The following KIAA1549L variants were observed in gnomAD, a reference collection of about 807,000 sequenced individuals.
KIAA1549L encodes UPF0606 protein KIAA1549L.
KIAA1549L carries 88 observed loss-of-function variants against 160.7 expected under a neutral mutation model. That is an observed-to-expected ratio of 0.55 (90% CI 0.46 to 0.65). KIAA1549L has a LOEUF of 0.65. Among genes scored for constraint, KIAA1549L ranks in the 30% least tolerant of loss-of-function variants. The pLI is 0.00. For missense variants in KIAA1549L, 2,258 were observed against 2,437.5 expected (o/e 0.93, Z 1.55); for synonymous variants, 950 against 976.7 (o/e 0.97, Z 0.51).
chr11:33,396,078 GTGT>G (rs770380795), intron 1 of KIAA1549L, among the ~76,000 whole-genome samples: 3 of 151,972 alleles, frequency 2.0e-5, no homozygotes, highest in Non-Finnish European at 4.4e-5. Flanking sequence ...GTTATCCCTG[GTGT>G]TGTGTCTTTG....
intron 1 of KIAA1549L, among the ~76,000 whole-genome samples, chr11:33,464,532 C>CCA (rs1852008931): frequency 1.3e-5 from 2 of 151,258 alleles, no homozygotes; most frequent in South Asian, 2.1e-4. Context: ...ATGCCCCCCC[C>CCA]CACACACGCA....
intron 1 of KIAA1549L, among the ~76,000 whole-genome samples, chr11:33,474,397 CT>C (rs1852242393): frequency 6.6e-6 from 1 of 152,236 alleles, no homozygotes; most frequent in South Asian, 2.1e-4. Flanking sequence ...TAACCTTTCC[CT>C]TGCTCGTTGC....
At chr11:33,518,217 C>T (rs186588583) in intron 1 of KIAA1549L, among the ~76,000 whole-genome samples, 6 of 141,962 alleles carry the variant, frequency 4.2e-5, no homozygotes, top group Admixed American at 1.4e-4. Context: ...TCTATGTCTA[C>T]AGTGGTAAAA....
chr11:33,449,102 G>A (rs968046100), intron 1 of KIAA1549L, among the ~76,000 whole-genome samples: 2 of 152,194 alleles, frequency 1.3e-5, no homozygotes, highest in Non-Finnish European at 1.5e-5. Flanking sequence ...TTGTCTTTGG[G>A]TATTGGGACT....
intron 1 of KIAA1549L, among the ~76,000 whole-genome samples, chr11:33,465,046 CTTTT>C (rs1008261470): frequency 3.8e-5 from 3 of 78,960 alleles, no homozygotes; most frequent in Non-Finnish European, 7.5e-5. Context: ...GGACCTTCTT[CTTTT>C]TTTTTTTTTT....
chr11:33,424,020 C>T (rs913008097), intron 1 of KIAA1549L, among the ~76,000 whole-genome samples: 1 of 146,866 alleles, frequency 6.8e-6, no homozygotes, highest in African/African-American at 2.7e-5. Context: ...CAGAATGAGG[C>T]TCTGTCTTGG....
At chr11:33,391,421 C>G (rs1322581909) in intron 1 of KIAA1549L, among the ~76,000 whole-genome samples, 2 of 152,162 alleles carry the variant, frequency 1.3e-5, no homozygotes, top group Admixed American at 6.5e-5. Context: ...TAGTTGGATA[C>G]ACATTATTAG....
chr11:33,606,537 T>G, intron 13 of KIAA1549L, 104 bp from the exon 14 acceptor site: 1 of 1,151,140 alleles, frequency 8.7e-7, no homozygotes, highest in Non-Finnish European at 1.2e-6. Context: ...CTGAGGTTGT[T>G]TTGAGTAAAG....
chr11:33,393,250 T>C (rs75668907), intron 1 of KIAA1549L, among the ~76,000 whole-genome samples: 1,582 of 152,198 alleles, frequency 0.01, 31 homozygotes, highest in African/African-American at 0.037. Flanking sequence ...TCTGCATGAT[T>C]ACCATCTACA....
At chr11:33,664,358 G>A (rs560354284) in intron 20 of KIAA1549L, among the ~76,000 whole-genome samples, 13 of 152,274 alleles carry the variant, frequency 8.5e-5, no homozygotes, top group Non-Finnish European at 1.8e-4. Flanking sequence ...TCCCAGCCAG[G>A]CGTCAGCCGC....
chr11:33,518,940 A>T (rs566811015), intron 1 of KIAA1549L, among the ~76,000 whole-genome samples: 1 of 152,214 alleles, frequency 6.6e-6, no homozygotes, highest in Non-Finnish European at 1.5e-5. Context: ...CATTGAGCAT[A>T]TCCTATGAGT....
chr11:33,397,647 GGTT>G (rs1206060751), intron 1 of KIAA1549L, among the ~76,000 whole-genome samples: 1 of 151,798 alleles, frequency 6.6e-6, no homozygotes, highest in East Asian at 2.0e-4. Context: ...GGGAGGCGGA[GGTT>G]GCGGTGAGCC....
chr11:33,661,903 AAAAG>A (rs1484612667), intron 20 of KIAA1549L, among the ~76,000 whole-genome samples: 46 of 84,970 alleles, frequency 5.4e-4, no homozygotes, highest in African/African-American at 1.4e-3. Flanking sequence ...AAAAAAAAAA[AAAAG>A]AAACCCAAGA....
chr11:33,475,776 G>C lies in KIAA1549L; in HGVS notation c.239-66026G>C, dbSNP rs1009402788. On this transcript the variant is annotated intron_variant, in intron 1 of 20. Transcript: ENST00000658780. ...GAAGGCTGAGGCAGGAGGATCACTTGAGCTCAGGAGATCAAGGCTGCAGTG... is the reference window on the plus strand; with the variant it reads ...GAAGGCTGAGGCAGGAGGATCACTTCAGCTCAGGAGATCAAGGCTGCAGTG... Among the ~76,000 whole-genome samples, 19 of 152,156 alleles carry C rather than the reference G, an allele frequency of 1.2e-4. 1 individual carries two copies. In the South Asian group the frequency reaches 2.9e-3, roughly 23 times the overall value.
At position 33,583,332 on chromosome 11, in the gene KIAA1549L, C is replaced by T; in HGVS notation, c.4403-6C>T. On this transcript the variant is annotated splice_polypyrimidine_tract_variant and splice_region_variant and intron_variant, in intron 10 of 20. Transcript: ENST00000658780. The stretch of plus-strand genomic sequence containing the variant: ...TCATGTCCCTCCTGCTGGCTCTTTC[C>T]CACAGCCGTGGTGAAGAACCCGCCC... 1.3e-6 allele frequency: 2 copies of T among 1,599,246 alleles called. No individual in the cohort carries two copies. Among genetic ancestry groups the T allele is most frequent in the South Asian group, 2.3e-5 (2 of 88,036 alleles).
intron 1 of KIAA1549L, among the ~76,000 whole-genome samples, chr11:33,397,542 C>G: frequency 6.6e-6 from 1 of 150,844 alleles, no homozygotes; most frequent in African/African-American, 2.4e-5. Flanking sequence ...AACCCCGTCT[C>G]TACTAAAAAA....
chr11:33,513,396 G>C (rs141760488), intron 1 of KIAA1549L, among the ~76,000 whole-genome samples: 249 of 152,218 alleles, frequency 1.6e-3, no homozygotes, highest in Non-Finnish European at 3.0e-3. Context: ...CATATTAGCT[G>C]AATCAGAGTA....
chr11:33,583,711 T>C lies in KIAA1549L; in HGVS notation c.4566+210T>C, dbSNP rs564691908. Among the ~76,000 whole-genome samples the C allele has an allele frequency of 2.0e-5, 3 of 152,344 alleles. No individual in the cohort carries two copies. In the South Asian group the frequency reaches 6.2e-4, roughly 32 times the overall value. On this transcript the variant is annotated intron_variant, in intron 11 of 20. Transcript: ENST00000658780. ...CGGCCATCAGTGCTTCCAAGTGTTT[T>C]ATATACAGCAGCTCTCTAATTCTCA...
chr11:33,521,166 G>A (rs1181666989), intron 1 of KIAA1549L, among the ~76,000 whole-genome samples: 1 of 152,110 alleles, frequency 6.6e-6, no homozygotes, highest in Non-Finnish European at 1.5e-5. Context: ...GCAAGACCCC[G>A]TCTCTTAAAA....
Sources: gnomAD v4.1 joint callset for allele counts (sites outside exome capture counted in the v4.1 genomes callset) on GRCh38, gnomAD v4.1.1 for gene constraint, MANE v1.5 for transcripts, NCBI Gene and HGNC (gene_info 2026-07-23, HGNC 2026-07-21) for gene names.